NOSTRIN: variants seen among roughly 807,000 people sequenced by gnomAD.
NOSTRIN encodes the protein BM247 homolog.
Under a neutral mutation model 59.0 loss-of-function variants are expected in NOSTRIN, and 63 were observed. The ratio of observed to expected loss-of-function variants is 1.07; its 90% CI spans 0.87 to 1.32. The LOEUF is 1.32. NOSTRIN is among the 40% of genes most tolerant of loss of function. The probability of loss-of-function intolerance (pLI) is 0.00; values close to 1 mark genes in which losing one functional copy is unlikely to be tolerated. For synonymous variants in NOSTRIN, 200 were observed against 165.4 expected, an observed-to-expected ratio of 1.21 and a Z score of -1.61; for missense variants, 512 against 473.1, an observed-to-expected ratio of 1.08 and a Z score of -0.76.
intron 7 of NOSTRIN, among the ~76,000 whole-genome samples, chr2:168,837,556 G>T (rs533747619): frequency 6.6e-6 from 1 of 151,912 alleles, no homozygotes; most frequent in Non-Finnish European, 1.5e-5. Flanking sequence ...TGATCCGCCC[G>T]CCTCGGCCTC....
At chr2:168,824,131 G>A (rs530036179) in intron 2 of NOSTRIN, among the ~76,000 whole-genome samples, 3 of 152,034 alleles carry the variant, frequency 2.0e-5, no homozygotes, top group Non-Finnish European at 4.4e-5. Context: ...GGATCCTCTT[G>A]GATACCCTTC....
At chr2:168,794,392 C>A (rs1685429626), upstream of NOSTRIN, among the ~76,000 whole-genome samples, 1 of 142,984 alleles carries the variant, frequency 7.0e-6, no homozygotes, top group Admixed American at 7.5e-5. Flanking sequence ...CGCTCTGTTG[C>A]CCAGGCTGGA....
chr2:168,835,023 G>A (rs1162591972), intron 7 of NOSTRIN, among the ~76,000 whole-genome samples: 1 of 151,950 alleles, frequency 6.6e-6, no homozygotes, highest in African/African-American at 2.4e-5. Context: ...TTGGAGCAAG[G>A]TTCAGCCTTA....
chr2:168,814,452 C>A (rs1353340979), intron 2 of NOSTRIN, among the ~76,000 whole-genome samples: 1 of 152,204 alleles, frequency 6.6e-6, no homozygotes, highest in Non-Finnish European at 1.5e-5. Flanking sequence ...TTATTTTCCT[C>A]TTAAAGGTGG....
At chr2:168,835,442 C>T (rs1687664192) in intron 7 of NOSTRIN, among the ~76,000 whole-genome samples, 1 of 152,130 alleles carries the variant, frequency 6.6e-6, no homozygotes, top group Non-Finnish European at 1.5e-5. Context: ...AGTGTTTGCC[C>T]TTTCATGTGG....
At chr2:168,857,832 A>T (rs1019561990) in intron 12 of NOSTRIN, among the ~76,000 whole-genome samples, 5 of 152,190 alleles carry the variant, frequency 3.3e-5, no homozygotes, top group Admixed American at 3.3e-4. Context: ...TTGTACCCAG[A>T]TTGGCAATTT....
chr2:168,795,612 C>T (rs914589144), upstream of NOSTRIN, among the ~76,000 whole-genome samples: 9 of 152,136 alleles, frequency 5.9e-5, no homozygotes, highest in Non-Finnish European at 1.2e-4. Context: ...TTTGGACATG[C>T]ATAATAAAAA....
Position 168,851,424 on chromosome 2 carries a change from A to G in NOSTRIN, c.855+20A>G. 6.3e-7 allele frequency: 1 copy of G among 1,587,636 alleles called. No individual in the cohort carries two copies. Among genetic ancestry groups the G allele is most frequent in the Non-Finnish European group, 8.5e-7 (1 of 1,171,828 alleles). The stretch of plus-strand genomic sequence containing the variant: ...TACTTTGTGAGTATGAAATGGAAAA[A>G]AAAAGTTACATTAATGGAGAATCTT... On this transcript the variant is annotated intron_variant, in intron 10 of 15. Transcript: ENST00000317647.
intron 8 of NOSTRIN, among the ~76,000 whole-genome samples, chr2:168,843,610 A>C (rs767703840): frequency 6.6e-6 from 1 of 152,244 alleles, no homozygotes; most frequent in Non-Finnish European, 1.5e-5. Flanking sequence ...TTATCTGATA[A>C]TAATGGGCAA....
At chr2:168,790,598 A>G (rs1409293866) in intron 2 of NOSTRIN, among the ~76,000 whole-genome samples, 2 of 152,234 alleles carry the variant, frequency 1.3e-5, no homozygotes, top group African/African-American at 4.8e-5. Flanking sequence ...TAAAATAATT[A>G]ACTGGTCATC....
At chr2:168,815,293 A>T (rs1475565275) in intron 2 of NOSTRIN, among the ~76,000 whole-genome samples, 2 of 152,248 alleles carry the variant, frequency 1.3e-5, no homozygotes, top group African/African-American at 4.8e-5. Flanking sequence ...AGTAGCAAAC[A>T]GATTTAGCCA....
upstream of NOSTRIN, chr2:168,802,395 C>G (rs1404789400): frequency 2.1e-6 from 1 of 466,652 alleles, no homozygotes; most frequent in East Asian, 4.0e-5. Flanking sequence ...CAGGATCCTG[C>G]CCTCTGAGGG....
At chr2:168,797,111 G>A, upstream of NOSTRIN, among the ~76,000 whole-genome samples, 1 of 101,936 alleles carries the variant, frequency 9.8e-6, no homozygotes, top group South Asian at 3.3e-4. Context: ...TGGAGACAAG[G>A]TCTCTCTCTG....
chr2:168,834,507 G>GCGCGCGCGCACACACACA (rs756381301), intron 7 of NOSTRIN, among the ~76,000 whole-genome samples, 182 bp downstream of exon 7: 71 of 125,430 alleles, frequency 5.7e-4, no homozygotes, highest in East Asian at 3.8e-3. Flanking sequence ...GCGCGCGCGC[G>GCGCGCGCGCACACACACA]CACACACACA....
At chr2:168,864,745 G>A (rs748633996) in intron 15 of NOSTRIN, 89 bp from the exon 16 acceptor site, 1 of 1,474,208 alleles carries the variant, frequency 6.8e-7, no homozygotes, top group African/African-American at 1.4e-5. Context: ...GTAAATCCTT[G>A]AAGCAGAACC....
chr2:168,836,945 G>T (rs975690569), intron 7 of NOSTRIN, among the ~76,000 whole-genome samples: 9 of 152,308 alleles, frequency 5.9e-5, no homozygotes, highest in African/African-American at 1.9e-4. Flanking sequence ...ATAGATGGAG[G>T]TGGCTTCAAC....
intron 7 of NOSTRIN, among the ~76,000 whole-genome samples, chr2:168,839,884 CAA>C (rs58341006): frequency 0.055 from 1,698 of 30,938 alleles, 21 homozygotes; most frequent in Non-Finnish European, 0.063. Flanking sequence ...GACTCCGTCT[CAA>C]AAAAAAAAAA....
At chr2:168,856,630 C>T in intron 11 of NOSTRIN, 60 bp from the exon 12 acceptor site, 1 of 1,491,512 alleles carries the variant, frequency 6.7e-7, no homozygotes, top group Non-Finnish European at 9.4e-7. Flanking sequence ...GCGACCGACT[C>T]CTGGCTGTGT....
At chr2:168,805,407 G>A (rs923397985) in intron 1 of NOSTRIN, among the ~76,000 whole-genome samples, 2 of 152,178 alleles carry the variant, frequency 1.3e-5, no homozygotes, top group Non-Finnish European at 2.9e-5. Context: ...GCCTATGAAG[G>A]TTTAGGTTTA....
Sources: allele counts gnomAD v4.1 joint callset (sites outside exome capture counted in the v4.1 genomes callset), GRCh38; gene constraint gnomAD v4.1.1; transcripts MANE v1.5; gene names NCBI Gene and HGNC (gene_info 2026-07-23, HGNC 2026-07-21).